Variants in B3GALT1 observed in about 807,000 individuals in gnomAD.
B3GALT1 encodes the protein beta-1,3-galactosyltransferase 1.
A neutral mutation model predicts 23.2 loss-of-function variants in B3GALT1; 10 were observed. The ratio of observed to expected loss-of-function variants is 0.43; its 90% CI spans 0.27 to 0.73. The LOEUF (loss-of-function observed/expected upper bound fraction) is 0.73. B3GALT1 is among the 30% of genes least tolerant of loss of function. The pLI is 0.21. For missense variants in B3GALT1, 299 were observed against 405.4 expected (o/e 0.74, Z 2.25); for synonymous variants, 156 against 141.5 (o/e 1.10, Z -0.73).
intron 1 of B3GALT1, among the ~76,000 whole-genome samples, chr2:167,353,430 G>T (rs922244842): frequency 6.6e-6 from 1 of 151,808 alleles, no homozygotes; most frequent in African/African-American, 2.4e-5. Flanking sequence ...AACCTTAGTG[G>T]TATTTTTTTT....
intron 1 of B3GALT1, among the ~76,000 whole-genome samples, chr2:167,479,347 G>C (rs1699530746): frequency 6.6e-6 from 1 of 151,868 alleles, no homozygotes; most frequent in African/African-American, 2.4e-5. Flanking sequence ...TCAAAAATAT[G>C]CATGTATATT....
At chr2:167,412,847 T>C (rs976835042) in intron 1 of B3GALT1, among the ~76,000 whole-genome samples, 1 of 152,122 alleles carries the variant, frequency 6.6e-6, no homozygotes, top group African/African-American at 2.4e-5. Flanking sequence ...TCTACAAATA[T>C]GTTGTGGTAT....
chr2:167,865,324 G>A (rs565067271), intron 4 of B3GALT1, among the ~76,000 whole-genome samples: 1 of 152,240 alleles, frequency 6.6e-6, no homozygotes, highest in South Asian at 2.1e-4. Context: ...CAGGAGAATC[G>A]CTTGAACCCA....
chr2:167,293,900 C>T (rs1000673660), intron 1 of B3GALT1, among the ~76,000 whole-genome samples: 10 of 136,154 alleles, frequency 7.3e-5, no homozygotes, highest in Non-Finnish European at 1.5e-4. Context: ...AACTGTTGGT[C>T]CACATTGCTG....
intron 2 of B3GALT1, among the ~76,000 whole-genome samples, chr2:167,501,223 C>A (rs1043162067): frequency 6.6e-6 from 1 of 151,870 alleles, no homozygotes; most frequent in African/African-American, 2.4e-5. Flanking sequence ...ATGTTGAACT[C>A]CTAATTGATT....
intron 1 of B3GALT1, among the ~76,000 whole-genome samples, chr2:167,399,484 C>G (rs902568138): frequency 1.3e-5 from 2 of 152,168 alleles, no homozygotes; most frequent in African/African-American, 4.8e-5. Flanking sequence ...CACTCATTCT[C>G]TCTTCATTCT....
chr2:167,310,692 T>C (rs1269384339), intron 1 of B3GALT1, among the ~76,000 whole-genome samples: 1 of 151,850 alleles, frequency 6.6e-6, no homozygotes, highest in East Asian at 1.9e-4. Context: ...GTAGAAAGGA[T>C]TTTAGTGTTC....
intron 1 of B3GALT1, among the ~76,000 whole-genome samples, chr2:167,459,389 T>C (rs1304166659): frequency 1.3e-5 from 2 of 152,198 alleles, no homozygotes; most frequent in East Asian, 1.9e-4. Flanking sequence ...AAAACTCTGA[T>C]ATAAAGATAA....
chr2:167,817,413 T>C (rs1689016472), intron 3 of B3GALT1, among the ~76,000 whole-genome samples: 1 of 152,208 alleles, frequency 6.6e-6, no homozygotes, highest in Non-Finnish European at 1.5e-5. Flanking sequence ...ATTCATTTAT[T>C]TGAACCTCAT....
At chr2:167,374,224 C>G (rs1329323406) in intron 1 of B3GALT1, among the ~76,000 whole-genome samples, 1 of 152,172 alleles carries the variant, frequency 6.6e-6, no homozygotes, top group Non-Finnish European at 1.5e-5. Flanking sequence ...CATAGTATTC[C>G]ATGATGTTAT....
intron 2 of B3GALT1, among the ~76,000 whole-genome samples, chr2:167,494,867 A>T (rs1699758281): frequency 6.6e-6 from 1 of 151,970 alleles, no homozygotes; most frequent in Non-Finnish European, 1.5e-5. Flanking sequence ...AAAGCTAGAC[A>T]AGTAGTTCAA....
intron 1 of B3GALT1, among the ~76,000 whole-genome samples, chr2:167,375,733 C>G (rs1697752823): frequency 1.3e-5 from 2 of 152,036 alleles, no homozygotes; most frequent in African/African-American, 4.8e-5. Context: ...TTCTAATAGC[C>G]TTTTGGCAGA....
intron 1 of B3GALT1, among the ~76,000 whole-genome samples, chr2:167,363,908 C>G (rs1697541826): frequency 1.3e-5 from 2 of 152,074 alleles, no homozygotes; most frequent in African/African-American, 4.8e-5. Context: ...CCTATAATCC[C>G]AGCACTTTGG....
At chr2:167,822,819 G>A (rs529181589) in intron 4 of B3GALT1, among the ~76,000 whole-genome samples, 10 of 152,196 alleles carry the variant, frequency 6.6e-5, no homozygotes, top group East Asian at 5.8e-4. Context: ...TCCCTTACCC[G>A]AGGGCACTTT....
intron 2 of B3GALT1, among the ~76,000 whole-genome samples, chr2:167,584,064 A>G (rs534415449): frequency 2.0e-5 from 3 of 152,072 alleles, no homozygotes; most frequent in Non-Finnish European, 4.4e-5. Context: ...GGAGCAGGGA[A>G]CTAAGATCCC....
chr2:167,659,669 G>T (rs1686021787), intron 3 of B3GALT1, among the ~76,000 whole-genome samples: 1 of 152,012 alleles, frequency 6.6e-6, no homozygotes, highest in South Asian at 2.1e-4. Flanking sequence ...CATTTGTAAA[G>T]AGACCATTTT....
intron 2 of B3GALT1, among the ~76,000 whole-genome samples, chr2:167,585,289 C>G (rs1187453318): frequency 6.6e-6 from 1 of 152,184 alleles, no homozygotes; most frequent in Non-Finnish European, 1.5e-5. Flanking sequence ...TACCTATATT[C>G]AGGATGGACA....
At chr2:167,336,232 T>G (rs2105243739) in intron 1 of B3GALT1, among the ~76,000 whole-genome samples, 1 of 152,280 alleles carries the variant, frequency 6.6e-6, no homozygotes. Flanking sequence ...TTATGTAATC[T>G]AAGATGATGT....
chr2:167,641,591 A>G (rs1057069651), intron 2 of B3GALT1, among the ~76,000 whole-genome samples: 1 of 152,156 alleles, frequency 6.6e-6, no homozygotes, highest in Admixed American at 6.6e-5. Flanking sequence ...TTACACAATC[A>G]CTGCTTATTT....
Sources: allele counts gnomAD v4.1 joint callset (sites outside exome capture counted in the v4.1 genomes callset), GRCh38; gene constraint gnomAD v4.1.1; transcripts MANE v1.5; gene names NCBI Gene and HGNC (gene_info 2026-07-23, HGNC 2026-07-21).